The following EYA4 variants were observed in gnomAD, a reference collection of about 807,000 sequenced individuals.
EYA4 encodes EYA transcriptional coactivator and phosphatase 4.
Under a neutral mutation model 87.9 loss-of-function variants are expected in EYA4, and 31 were observed. The observed-to-expected ratio is 0.35, with a 90% CI of 0.27 to 0.48. The LOEUF (loss-of-function observed/expected upper bound fraction) is 0.48, where lower values mean the gene tolerates loss of function less well. EYA4 is among the 20% of genes least tolerant of loss of function. The probability of loss-of-function intolerance (pLI) is 0.99; values close to 1 mark genes in which losing one functional copy is unlikely to be tolerated. For missense variants in EYA4, 678 were observed against 761.4 expected, an observed-to-expected ratio of 0.89 and a Z score of 1.29; for synonymous variants, 263 against 270.6, an observed-to-expected ratio of 0.97 and a Z score of 0.28.
chr6:133,294,655 C>T (rs937750421), intron 2 of EYA4, among the ~76,000 whole-genome samples: 2 of 152,022 alleles, frequency 1.3e-5, no homozygotes, highest in African/African-American at 4.8e-5. Context: ...GCAACCTCCT[C>T]GTCCTGAGCT....
At chr6:133,516,525 A>T (rs1456269890) in intron 17 of EYA4, among the ~76,000 whole-genome samples, 2 of 151,744 alleles carry the variant, frequency 1.3e-5, no homozygotes, top group Non-Finnish European at 2.9e-5. Context: ...ACCCTAGCCA[A>T]CATGGTGAAA....
intron 2 of EYA4, among the ~76,000 whole-genome samples, chr6:133,370,512 A>C (rs1785185801): frequency 6.6e-6 from 1 of 152,234 alleles, no homozygotes; most frequent in Non-Finnish European, 1.5e-5. Flanking sequence ...GTTTATGGCT[A>C]AAGTGTGAAA....
Position 133,473,141 on chromosome 6 carries a change from A to G in EYA4, c.970+4410A>G, listed in dbSNP as rs140392499. Reference sequence around the variant, plus strand: ...TTTTCTGCCTTCAGTTATTTGCAAGATCCAAATTCATCTCTACTTCTTTCT... The same window carrying G: ...TTTTCTGCCTTCAGTTATTTGCAAGGTCCAAATTCATCTCTACTTCTTTCT... On this transcript the variant is annotated intron_variant, in intron 11 of 19. Transcript: ENST00000355286. 2.7e-3 allele frequency among the ~76,000 whole-genome samples: 418 copies of G among 152,204 alleles called. 6 individuals are homozygous for G. Among genetic ancestry groups the G allele is most frequent in the Admixed American group, 0.026 (398 of 15,246 alleles).
Position 133,531,187 on chromosome 6 carries a change from C to T in EYA4, c.*2382C>T. ...CCCGTGCAGTTTCTCACACACATCTCTTTTTCTGATTCTGTGTTCAGAAGA... is the reference window on the plus strand; with the variant it reads ...CCCGTGCAGTTTCTCACACACATCTTTTTTTCTGATTCTGTGTTCAGAAGA... On this transcript the variant is annotated 3_prime_UTR_variant, in exon 20 of 20. Coordinates refer to ENST00000355286, the MANE Select transcript of EYA4 (RefSeq NM_004100.5). 6.5e-7 allele frequency: 1 copy of T among 1,535,144 alleles called. No homozygotes were observed. Among genetic ancestry groups the T allele is most frequent in the Non-Finnish European group, 8.7e-7 (1 of 1,146,774 alleles).
intron 2 of EYA4, among the ~76,000 whole-genome samples, chr6:133,332,488 C>G (rs554616087): frequency 1.3e-5 from 2 of 152,160 alleles, no homozygotes; most frequent in East Asian, 3.9e-4. Flanking sequence ...GCTATACTCT[C>G]TGTGATATTA....
At chr6:133,433,590 A>G (rs528831408) in intron 3 of EYA4, among the ~76,000 whole-genome samples, 75 of 152,264 alleles carry the variant, frequency 4.9e-4, no homozygotes, top group African/African-American at 1.6e-3. Context: ...TCTTGACCTC[A>G]TGATCCACCC....
intron 13 of EYA4, among the ~76,000 whole-genome samples, chr6:133,491,117 G>GA (rs1198462086): frequency 2.0e-5 from 3 of 151,964 alleles, no homozygotes; most frequent in Non-Finnish European, 2.9e-5. Context: ...ATGGGTCAAT[G>GA]AAAAAATTAA....
intron 2 of EYA4, among the ~76,000 whole-genome samples, chr6:133,358,322 GT>G (rs1784219491): frequency 6.6e-6 from 1 of 152,166 alleles, no homozygotes; most frequent in Admixed American, 6.5e-5. Context: ...CCTTGAGGAA[GT>G]TGCTAAATAT....
At chr6:133,492,448 C>A (rs2128730829) in intron 13 of EYA4, among the ~76,000 whole-genome samples, 1 of 151,856 alleles carries the variant, frequency 6.6e-6, no homozygotes, top group African/African-American at 2.4e-5. Flanking sequence ...TATGGAAGAA[C>A]AATACCTTAA....
intron 3 of EYA4, among the ~76,000 whole-genome samples, chr6:133,406,035 T>C (rs942188734): frequency 6.6e-6 from 1 of 151,910 alleles, no homozygotes; most frequent in East Asian, 1.9e-4. Flanking sequence ...CCTACCTACC[T>C]ACCTACCTAT....
At chr6:133,318,273 A>G (rs922167007) in intron 2 of EYA4, among the ~76,000 whole-genome samples, 1 of 152,162 alleles carries the variant, frequency 6.6e-6, no homozygotes, top group Non-Finnish European at 1.5e-5. Context: ...TTCGCTGATG[A>G]TAGAACTTAG....
chr6:133,294,039 AT>A lies in EYA4; in HGVS notation c.33+19227del, dbSNP rs1562257546. ...AGGGTGATTTTATATATATATATAT[AT>A]ATATATATATATATATATATATAAT... On this transcript the variant is annotated intron_variant, in intron 2 of 19. Coordinates refer to ENST00000355286, the MANE Select transcript of EYA4 (RefSeq NM_004100.5). 2.5e-4 allele frequency among the ~76,000 whole-genome samples: 22 copies of A among 86,396 alleles called. 2 individuals carry two copies. The highest frequency in any genetic ancestry group is 0.01 in the Middle Eastern group (2 of 200). 56.7% of individuals were successfully genotyped at this position (86,396 alleles called of 152,430 possible). A position where few individuals can be genotyped will look rare whatever the true frequency, so the allele number is the denominator to read the frequency against.
At chr6:133,499,253 C>T (rs916181079) in intron 13 of EYA4, among the ~76,000 whole-genome samples, 1 of 152,176 alleles carries the variant, frequency 6.6e-6, no homozygotes, top group Non-Finnish European at 1.5e-5. Flanking sequence ...CATCTCCTAA[C>T]ATGTCAATCA....
intron 3 of EYA4, among the ~76,000 whole-genome samples, chr6:133,401,209 A>G (rs1485764680): frequency 6.6e-6 from 1 of 152,146 alleles, no homozygotes; most frequent in African/African-American, 2.4e-5. Flanking sequence ...AAGGATAGAG[A>G]GTAGATTGTA....
chr6:133,305,455 A>G (rs1408959810), intron 2 of EYA4, among the ~76,000 whole-genome samples: 3 of 152,164 alleles, frequency 2.0e-5, no homozygotes, highest in Non-Finnish European at 4.4e-5. Context: ...ATAACTTGTA[A>G]ATCACTTCAT....
intron 3 of EYA4, among the ~76,000 whole-genome samples, chr6:133,434,515 A>G (rs936815076): frequency 6.6e-6 from 1 of 152,216 alleles, no homozygotes; most frequent in African/African-American, 2.4e-5. Context: ...TTAGCCTTCC[A>G]GAGGATATTA....
chr6:133,387,525 C>T (rs1219799268), intron 3 of EYA4, among the ~76,000 whole-genome samples: 1 of 152,114 alleles, frequency 6.6e-6, no homozygotes, highest in Non-Finnish European at 1.5e-5. Context: ...GTTGTACAGA[C>T]CACAGAATTG....
rs371450674 is a variant in EYA4, at chr6:133,341,010, C to G, written c.34-41382C>G. On this transcript the variant is annotated intron_variant, in intron 2 of 19. Coordinates refer to ENST00000355286, the MANE Select transcript of EYA4 (RefSeq NM_004100.5). ...TGGATTTTAAATAGAAGTTATTTAT[C>G]ATGGAGCGCAAAACTTAGAAAATGC... 9.9e-5 allele frequency among the ~76,000 whole-genome samples: 15 copies of G among 152,266 alleles called. No homozygotes were observed. In the East Asian group the frequency reaches 1.4e-3, roughly 14 times the overall value.
intron 2 of EYA4, among the ~76,000 whole-genome samples, chr6:133,309,378 A>G (rs747995668): frequency 1.3e-5 from 2 of 152,190 alleles, no homozygotes; most frequent in Non-Finnish European, 2.9e-5. Flanking sequence ...ATCCAGAAGT[A>G]CAGTAATGAT....
Sources: gnomAD v4.1 joint callset for allele counts (sites outside exome capture counted in the v4.1 genomes callset) on GRCh38, gnomAD v4.1.1 for gene constraint, MANE v1.5 for transcripts, NCBI Gene and HGNC (gene_info 2026-07-23, HGNC 2026-07-21) for gene names.